The following RFX7 variants were observed in gnomAD, a reference collection of about 807,000 sequenced individuals.
RFX7 encodes DNA-binding protein RFX7.
RFX7 carries 26 observed loss-of-function variants against 111.8 expected under a neutral mutation model. The ratio of observed to expected loss-of-function variants is 0.23; its 90% confidence interval spans 0.17 to 0.32. The LOEUF (loss-of-function observed/expected upper bound fraction) is 0.32, where lower values mean the gene tolerates loss of function less well. RFX7 is among the 10% of genes least tolerant of loss of function. The pLI is 1.00. For missense variants in RFX7, 1,573 were observed against 1,772.9 expected (o/e 0.89, Z 2.02); for synonymous variants, 624 against 624.4 (o/e 1.00, Z 0.01).
chr15:56,139,357 TCATTC>T (rs1439248652), intron 5 of RFX7, among the ~76,000 whole-genome samples: 1 of 152,200 alleles, frequency 6.6e-6, no homozygotes, highest in Non-Finnish European at 1.5e-5. Context: ...TCGCTTCATT[TCATTC>T]ATTTCATCAT....
intron 4 of RFX7, among the ~76,000 whole-genome samples, 162 bp downstream of exon 4, chr15:56,144,239 A>G (rs1369926871): frequency 2.6e-5 from 4 of 152,184 alleles, no homozygotes; most frequent in African/African-American, 9.6e-5. Context: ...ACTTAACCAA[A>G]TATCACCAAA....
In RFX7 at chr15:56,087,471, C is replaced by A. The variant is rs1486151363; in HGVS notation, c.*5874G>T. 1 of 456,680 alleles carries A rather than the reference C, an allele frequency of 2.2e-6. No homozygotes were observed. Among genetic ancestry groups the A allele is most frequent in the Non-Finnish European group, 4.4e-6 (1 of 226,958 alleles). 28.3% of individuals were successfully genotyped at this position (456,680 alleles called of 1,614,324 possible). A position where few individuals can be genotyped will look rare whatever the true frequency, so the allele number is the denominator to read the frequency against. On this transcript the variant is annotated 3_prime_UTR_variant, in exon 10 of 10. Coordinates refer to ENST00000559447, the MANE Select transcript of RFX7 (RefSeq NM_022841.7). ...AGGGCTGCTTGAGTTCTAGCCATCA[C>A]ATTTGCATTCCAGCCAGCAGAGAGG...
At chr15:56,194,665 G>A (rs1339696421) in intron 2 of RFX7, among the ~76,000 whole-genome samples, 1 of 151,644 alleles carries the variant, frequency 6.6e-6, no homozygotes, top group Non-Finnish European at 1.5e-5. Context: ...AGTGGCTAAT[G>A]CTAAAAAGGT....
chr15:56,214,629 G>C (rs980476144), intron 2 of RFX7, among the ~76,000 whole-genome samples: 19 of 151,444 alleles, frequency 1.3e-4, no homozygotes, highest in Non-Finnish European at 2.8e-4. Flanking sequence ...GCCAGAGAAT[G>C]GCGTGAACCC....
chr15:56,244,934 G>A (rs1255823568), upstream of RFX7, among the ~76,000 whole-genome samples: 2 of 152,148 alleles, frequency 1.3e-5, no homozygotes, highest in African/African-American at 4.8e-5. Context: ...CTGCGTGGAT[G>A]TAGAATACAA....
chr15:56,095,212 A>T lies in RFX7; in HGVS notation c.2516T>A (p.Ile839Lys). Residue 839 changes from isoleucine (I) to lysine (K), a missense_variant, in exon 10 of 10, where the codon ATA (isoleucine) becomes AAA (lysine). Transcript: ENST00000559447. ...TATTTGATTTAAAGAAGATTCCTGT[A>T]TCTGGCTATGTAGCTGCTGGCTATA... ...DTYSQQLHSQ[I>K]QESSLNQIQA... is the part of the protein sequence containing the mutation. The T allele has an allele frequency of 2.5e-6, 4 of 1,613,916 alleles. No homozygotes were observed. Among genetic ancestry groups the T allele is most frequent in the Non-Finnish European group, 3.4e-6 (4 of 1,179,810 alleles).
chr15:56,186,979 T>G (rs1328724308), intron 2 of RFX7, among the ~76,000 whole-genome samples: 13 of 152,230 alleles, frequency 8.5e-5, no homozygotes, highest in African/African-American at 2.9e-4. Flanking sequence ...AGTGGATGTT[T>G]CAGTTTCCTG....
intron 5 of RFX7, among the ~76,000 whole-genome samples, chr15:56,130,374 A>C (rs574069199): frequency 6.6e-6 from 1 of 152,250 alleles, no homozygotes; most frequent in East Asian, 1.9e-4. Context: ...TAAAAATATG[A>C]AAGTGTAAAG....
chr15:56,188,784 T>C (rs2043068680), intron 2 of RFX7, among the ~76,000 whole-genome samples: 1 of 152,204 alleles, frequency 6.6e-6, no homozygotes, highest in South Asian at 2.1e-4. Flanking sequence ...GAGAATATGA[T>C]GTGAGAGCTG....
chr15:56,191,916 G>A (rs1427390793), intron 2 of RFX7, among the ~76,000 whole-genome samples: 9 of 152,126 alleles, frequency 5.9e-5, no homozygotes, highest in Non-Finnish European at 1.2e-4. Flanking sequence ...AGATTCAGGT[G>A]CTGCTTGCTG....
chr15:56,244,040 G>T (rs1596036538), upstream of RFX7: 1 of 151,132 alleles, frequency 6.6e-6, no homozygotes, highest in African/African-American at 2.4e-5. Context: ...GGGGCCGGGA[G>T]GAGTCCGGCC....
chr15:56,195,234 G>A (rs72738642), intron 2 of RFX7, among the ~76,000 whole-genome samples: 2,244 of 152,150 alleles, frequency 0.015, 54 homozygotes, highest in Admixed American at 0.061. Context: ...GAAAGCAGAT[G>A]AGTGGTTGGT....
intron 2 of RFX7, among the ~76,000 whole-genome samples, chr15:56,195,658 T>G (rs1170161176): frequency 4.6e-5 from 7 of 152,190 alleles, no homozygotes; most frequent in African/African-American, 7.2e-5. Flanking sequence ...CACCCTGCTT[T>G]ACTTTATGGG....
intron 5 of RFX7, among the ~76,000 whole-genome samples, chr15:56,115,140 G>A (rs187056534): frequency 1.7e-4 from 26 of 152,192 alleles, no homozygotes; most frequent in Admixed American, 3.9e-4. Context: ...CTCCCGAGTA[G>A]CTGGGATTAT....
chr15:56,174,134 C>T (rs1211231189), intron 3 of RFX7, among the ~76,000 whole-genome samples: 5 of 151,356 alleles, frequency 3.3e-5, no homozygotes, highest in Middle Eastern at 6.8e-3. Flanking sequence ...AAAAATAAGC[C>T]GGGTATGGTG....
At chr15:56,122,206 T>G (rs1410173162) in intron 5 of RFX7, among the ~76,000 whole-genome samples, 1 of 152,190 alleles carries the variant, frequency 6.6e-6, no homozygotes, top group Non-Finnish European at 1.5e-5. Context: ...TGCCGTGATC[T>G]GTTTTTGGCC....
In RFX7 at chr15:56,095,173, G is replaced by A. The variant is rs756951766; in HGVS notation, c.2555C>T (p.Ser852Leu). 6 of 1,613,948 alleles carry A rather than the reference G, an allele frequency of 3.7e-6. No homozygotes were observed. Among genetic ancestry groups the A allele is most frequent in the Non-Finnish European group, 5.1e-6 (6 of 1,179,846 alleles). ...TTCAGATTGCAGAGGTAACTGATCT[G>A]AAGAATGTGCTTGTATTTGATTTAA... is the stretch of plus-strand genomic sequence containing the variant. ...SSLNQIQAHS[S>L]DQLPLQSELK... The change falls in exon 10 of 10, where the codon TCA becomes TTA. Residue 852 changes from serine (S) to leucine (L), a missense_variant. By Grantham distance (145) the Ser-to-Leu change is moderately radical (BLOSUM62 -2). Coordinates refer to ENST00000559447, the MANE Select transcript of RFX7 (RefSeq NM_022841.7).
intron 5 of RFX7, among the ~76,000 whole-genome samples, chr15:56,125,023 T>A (rs182717344): frequency 6.6e-6 from 1 of 152,326 alleles, no homozygotes; most frequent in Admixed American, 6.5e-5. Context: ...TTTGAGTTAA[T>A]TTTTGTATAG....
At chr15:56,152,028 C>G (rs2042576774) in intron 3 of RFX7, among the ~76,000 whole-genome samples, 1 of 152,172 alleles carries the variant, frequency 6.6e-6, no homozygotes, top group Non-Finnish European at 1.5e-5. Flanking sequence ...ATATACGCAG[C>G]CAATACAGGA....
Sources: gnomAD v4.1 joint callset for allele counts (sites outside exome capture counted in the v4.1 genomes callset) on GRCh38, gnomAD v4.1.1 for gene constraint, MANE v1.5 for transcripts, NCBI Gene and HGNC (gene_info 2026-07-23, HGNC 2026-07-21) for gene names.